Variants in CD163L1 observed in about 807,000 individuals in gnomAD.
CD163L1 encodes scavenger receptor cysteine-rich type 1 protein M160.
CD163L1 carries 124 observed loss-of-function variants against 165.4 expected under a neutral mutation model. The ratio of observed to expected loss-of-function variants is 0.75; its 90% CI spans 0.65 to 0.87. CD163L1 has a LOEUF of 0.87. CD163L1 is among the 40% of genes least tolerant of loss of function. The probability of loss-of-function intolerance (pLI) is 0.00; values close to 1 mark genes in which losing one functional copy is unlikely to be tolerated. For synonymous variants in CD163L1, 585 were observed against 662.2 expected, an observed-to-expected ratio of 0.88 and a Z score of 1.79; for missense variants, 1,525 against 1,799.9, an observed-to-expected ratio of 0.85 and a Z score of 2.76.
chr12:7,342,506 T>G (rs991429619), downstream of CD163L1, among the ~76,000 whole-genome samples: 1 of 152,238 alleles, frequency 6.6e-6, no homozygotes, highest in Non-Finnish European at 1.5e-5. Context: ...CTCTGAAGGC[T>G]GTGAGACCCC....
intron 14 of CD163L1, among the ~76,000 whole-genome samples, chr12:7,370,722 C>G (rs938928906): frequency 6.6e-6 from 1 of 152,160 alleles, no homozygotes; most frequent in South Asian, 2.1e-4. Flanking sequence ...TCTTTTCTCT[C>G]TCTCATAGCC....
chr12:7,432,395 C>T lies in CD163L1; in HGVS notation c.766+21G>A. The stretch of plus-strand genomic sequence containing the variant: ...CTAAACAAATTGTTCCTTTCTTCTA[C>T]ATGATGTCTTGGGTTCTTACCATAA... On this transcript the variant is annotated intron_variant, in intron 4 of 19. Coordinates refer to ENST00000313599, the MANE Select transcript of CD163L1 (RefSeq NM_174941.6). The surrounding 1 kb of genome is among the most constrained non-coding windows in gnomAD (Gnocchi z 4.2). The T allele has an allele frequency of 6.4e-7, 1 of 1,552,756 alleles. No homozygotes were observed.
chr12:7,442,140 T>G (rs1430124532), intron 1 of CD163L1, among the ~76,000 whole-genome samples: 1 of 152,214 alleles, frequency 6.6e-6, no homozygotes, highest in African/African-American at 2.4e-5. Context: ...AAGAAATACT[T>G]TAAAATAATA....
In CD163L1 at chr12:7,421,461, A is replaced by G. The variant is rs534546184; in HGVS notation, c.766+10955T>C. 4.6e-3 allele frequency among the ~76,000 whole-genome samples: 423 copies of G among 91,354 alleles called. 14 individuals are homozygous for G. Among genetic ancestry groups the G allele is most frequent in the Non-Finnish European group, 6.2e-3 (315 of 50,916 alleles). 59.9% of individuals were successfully genotyped at this position (91,354 alleles called of 152,430 possible). On this transcript the variant is annotated intron_variant, in intron 4 of 19. Transcript: ENST00000313599. ...TATACATATACATATATGTACATAT[A>G]TACATATATATACATATATGTACAT... is the stretch of plus-strand genomic sequence containing the variant.
chr12:7,357,889 G>A (rs1432387558), intron 18 of CD163L1, among the ~76,000 whole-genome samples: 1 of 152,102 alleles, frequency 6.6e-6, no homozygotes, highest in Non-Finnish European at 1.5e-5. Flanking sequence ...GAGAAATAAA[G>A]AATTGTTGTC....
At chr12:7,357,006 T>C (rs1366560702) in intron 19 of CD163L1, among the ~76,000 whole-genome samples, 1 of 152,116 alleles carries the variant, frequency 6.6e-6, no homozygotes, top group African/African-American at 2.4e-5. Flanking sequence ...CGGAATCTAG[T>C]CTGTACTTAA....
At chr12:7,329,309 G>A in the CD163L1 span, among the ~76,000 whole-genome samples, 1 of 140,304 alleles carries the variant, frequency 7.1e-6, no homozygotes, top group Non-Finnish European at 1.6e-5. Flanking sequence ...AGCTATTAGT[G>A]GTTTATTTGC....
chr12:7,326,659 C>A, the CD163L1 span, among the ~76,000 whole-genome samples: 1 of 152,284 alleles, frequency 6.6e-6, no homozygotes, highest in African/African-American at 2.4e-5. Flanking sequence ...AAGTGGTCAT[C>A]CATAAACCAA....
chr12:7,424,716 G>A (rs1815703570), intron 4 of CD163L1, among the ~76,000 whole-genome samples: 1 of 152,122 alleles, frequency 6.6e-6, no homozygotes, highest in South Asian at 2.1e-4. Flanking sequence ...GCCAAATCAT[G>A]AGTGAACTCC....
intron 8 of CD163L1, among the ~76,000 whole-genome samples, chr12:7,385,697 G>A (rs1477430977): frequency 1.3e-5 from 2 of 151,844 alleles, no homozygotes; most frequent in East Asian, 3.9e-4. Flanking sequence ...GGAAATCAAC[G>A]ACAAGATAAA....
intron 4 of CD163L1, among the ~76,000 whole-genome samples, chr12:7,422,652 T>G (rs1413371645): frequency 1.3e-5 from 2 of 150,046 alleles, no homozygotes; most frequent in East Asian, 3.9e-4. Context: ...TCATATATAT[T>G]CATATATATC....
intron 18 of CD163L1, among the ~76,000 whole-genome samples, chr12:7,364,501 C>A (rs766033267): frequency 1.2e-4 from 18 of 152,180 alleles, no homozygotes; most frequent in Non-Finnish European, 2.4e-4. Context: ...GTCAAGTTAG[C>A]CTTCTTTGCA....
At chr12:7,387,276 G>A (rs777596615) in intron 8 of CD163L1, among the ~76,000 whole-genome samples, 1 of 152,032 alleles carries the variant, frequency 6.6e-6, no homozygotes, top group Non-Finnish European at 1.5e-5. Context: ...TAACCAAGGA[G>A]GTGAAAGACT....
intron 18 of CD163L1, among the ~76,000 whole-genome samples, chr12:7,365,849 T>C (rs1947007241): frequency 6.6e-6 from 1 of 152,130 alleles, no homozygotes; most frequent in Non-Finnish European, 1.5e-5. Context: ...GAAAACTGTA[T>C]GGATTTGCCT....
chr12:7,386,604 C>A (rs1468801004), intron 8 of CD163L1, among the ~76,000 whole-genome samples: 22 of 117,470 alleles, frequency 1.9e-4, no homozygotes, highest in South Asian at 2.7e-4. Flanking sequence ...GTCAACATAT[C>A]AAAAAAAAAA....
At chr12:7,406,369 C>T (rs1238300876) in intron 5 of CD163L1, among the ~76,000 whole-genome samples, 163 bp downstream of exon 5, 1 of 152,132 alleles carries the variant, frequency 6.6e-6, no homozygotes, top group Non-Finnish European at 1.5e-5. Flanking sequence ...CAGACATGTT[C>T]CCTAAGGAAA....
chr12:7,389,263 A>G (rs1466698927), intron 8 of CD163L1, among the ~76,000 whole-genome samples: 5 of 152,210 alleles, frequency 3.3e-5, no homozygotes, highest in African/African-American at 1.2e-4. Context: ...CCTCACCAAC[A>G]TTTGTTATTG....
intron 6 of CD163L1, among the ~76,000 whole-genome samples, chr12:7,399,327 CTT>C (rs1326334381): frequency 1.5e-5 from 2 of 129,488 alleles, no homozygotes; most frequent in African/African-American, 2.8e-5. Context: ...TCTTCTCTCT[CTT>C]CTTTCATTCT....
chr12:7,403,701 G>A lies in CD163L1; in HGVS notation c.1242C>T (p.Phe414=). Residue 414 remains phenylalanine, a synonymous_variant, in exon 6 of 20, where the codon TTC becomes TTT. Coordinates refer to ENST00000313599, the MANE Select transcript of CD163L1 (RefSeq NM_174941.6). ...LVVCKQLGCP[F]SVFGSRRAKP... ...TAGCACGACGACTGCCAAAGACGCTGAACGGACATCCTAGCTGCTTACAAA... is the reference window on the plus strand; with the variant it reads ...TAGCACGACGACTGCCAAAGACGCTAAACGGACATCCTAGCTGCTTACAAA... 6.2e-7 allele frequency: 1 copy of A among 1,614,080 alleles called. No individual in the cohort carries two copies. The highest frequency in any genetic ancestry group is 8.5e-7 in the Non-Finnish European group (1 of 1,179,984).
Sources: gnomAD v4.1 joint callset for allele counts (sites outside exome capture counted in the v4.1 genomes callset) on GRCh38, gnomAD v4.1.1 for gene constraint, Gnocchi (gnomAD v3.1) non-coding constraint, MANE v1.5 for transcripts, NCBI Gene and HGNC (gene_info 2026-07-23, HGNC 2026-07-21) for gene names.